Variants in ZNF621 observed in about 807,000 individuals in gnomAD.
ZNF621 encodes the protein zinc finger protein 621.
Under a neutral mutation model 12.7 loss-of-function variants are expected in ZNF621, and 6 were observed. The ratio of observed to expected loss-of-function variants is 0.47; its 90% CI spans 0.26 to 0.93. The LOEUF (loss-of-function observed/expected upper bound fraction) is 0.93. ZNF621 is among the 40% of genes least tolerant of loss of function. The pLI, the probability that ZNF621 is intolerant of heterozygous loss-of-function variation, is 0.15. For synonymous variants in ZNF621, 156 were observed against 190.3 expected (o/e 0.82, Z 1.48); for missense variants, 474 against 524.0 (o/e 0.90, Z 0.93).
intron 4 of ZNF621, 116 bp downstream of exon 4, chr3:40,530,432 C>T (rs1698697686): frequency 1.2e-6 from 1 of 807,236 alleles, no homozygotes; most frequent in Non-Finnish European, 2.0e-6. Flanking sequence ...AGTCGATACT[C>T]ACTGTACTCT....
rs765050685 is a variant in ZNF621, at chr3:40,525,866, T to C, written c.24+2T>C. 6.8e-6 allele frequency: 11 copies of C among 1,613,122 alleles called. No homozygotes were observed. In the East Asian group the frequency reaches 2.2e-4, roughly 33 times the overall value. On this transcript the variant is annotated splice_donor_variant, in intron 2 of 4. Coordinates refer to ENST00000339296, the MANE Select transcript of ZNF621 (RefSeq NM_198484.5). LOFTEE classifies it high-confidence loss of function. The stretch of plus-strand genomic sequence containing the variant: ...ATGCTCCAAACAACTTGGCCTCAGG[T>C]GAGCTGAGCTTCTTTCAGTTTTTTT...
Position 40,532,228 on chromosome 3 carries a change from G to A in ZNF621, c.458G>A (p.Cys153Tyr). The change falls in exon 5 of 5, where the codon TGT becomes TAT. Residue 153 changes from cysteine to tyrosine, a missense_variant. Cys to Tyr is a radical substitution (Grantham distance 194). Coordinates refer to ENST00000339296, the MANE Select transcript of ZNF621 (RefSeq NM_198484.5). The stretch of plus-strand genomic sequence containing the variant: ...CGAGGTGGAATGAAGTTCTATGAAT[G>A]TAAAGAATGTGGGAAAATCTTCCGA... ...ILRGGMKFYE[C>Y]KECGKIFRYN... 1.2e-6 allele frequency: 2 copies of A among 1,614,178 alleles called. No individual in the cohort carries two copies. Among genetic ancestry groups the A allele is most frequent in the South Asian group, 2.2e-5 (2 of 91,092 alleles).
At chr3:40,524,693 G>T (rs1047600866), upstream of ZNF621, among the ~76,000 whole-genome samples, 1 of 152,190 alleles carries the variant, frequency 6.6e-6, no homozygotes, top group Admixed American at 6.5e-5. Context: ...GGGCCCACTT[G>T]TGCCTAGAGG....
chr3:40,535,323 C>T lies in ZNF621; in HGVS notation c.*2233C>T, dbSNP rs1158571952. ...ACTCAGTAACCCACTTCTGGTTCCTCATTCCGTGTCAGTGATCAGCAGTAG... is the reference window on the plus strand; with the variant it reads ...ACTCAGTAACCCACTTCTGGTTCCTTATTCCGTGTCAGTGATCAGCAGTAG... On this transcript the variant is annotated 3_prime_UTR_variant, in exon 5 of 5. Transcript: ENST00000339296. 6.6e-6 allele frequency: 1 copy of T among 152,270 alleles called. No homozygotes were observed. The highest frequency in any genetic ancestry group is 2.4e-5 in the African/African-American group (1 of 41,476). 9.4% of individuals were successfully genotyped at this position (152,270 alleles called of 1,614,324 possible).
chr3:40,528,197 T>C (rs1435243602), intron 2 of ZNF621, among the ~76,000 whole-genome samples: 1 of 152,240 alleles, frequency 6.6e-6, no homozygotes, highest in African/African-American at 2.4e-5. Context: ...TTTTGTATTC[T>C]CTTCATAGTT....
chr3:40,531,985 T>C (rs1284697658), intron 4 of ZNF621, 45 bp from the exon 5 acceptor site: 1 of 1,530,116 alleles, frequency 6.5e-7, no homozygotes, highest in East Asian at 2.3e-5. Flanking sequence ...ATCCTACTTT[T>C]CTTCCAGTTT....
rs1255468766 is a variant in ZNF621, at chr3:40,535,586, C to A, written c.*2496C>A. ...ACATTCTGTAGTAAAAATACCCCTA[C>A]AATCATTTTGGTAGGGTCTTCTGTC... On this transcript the variant is annotated 3_prime_UTR_variant, in exon 5 of 5. Transcript: ENST00000339296. The A allele has an allele frequency of 6.6e-6, 1 of 152,142 alleles. No homozygotes were observed. The highest frequency in any genetic ancestry group is 2.4e-5 in the African/African-American group (1 of 41,440). 9.4% of individuals were successfully genotyped at this position (152,142 alleles called of 1,614,324 possible).
rs1308311276 is a variant in ZNF621, at chr3:40,533,026, A to G, written c.1256A>G (p.Gln419Arg). ...TCTGCCCAAATAGTGCGTGTCTTCCAGGGTCTTACTCCCACTGTGAAACCT... is the reference window on the plus strand; with the variant it reads ...TCTGCCCAAATAGTGCGTGTCTTCCGGGGTCTTACTCCCACTGTGAAACCT... ...SSSAQIVRVFQGLTPTVKPSP... is the reference protein window; with the variant it reads ...SSSAQIVRVFRGLTPTVKPSP... The change falls in exon 5 of 5, where the codon CAG (glutamine) becomes CGG (arginine). Residue 419 changes from glutamine (Q) to arginine (R), a missense_variant. Coordinates refer to ENST00000339296, the MANE Select transcript of ZNF621 (RefSeq NM_198484.5). The G allele has an allele frequency of 1.9e-6, 3 of 1,551,752 alleles. No individual in the cohort carries two copies. The highest frequency in any genetic ancestry group is 2.6e-6 in the Non-Finnish European group (3 of 1,147,002).
Position 40,538,220 on chromosome 3 carries a change from A to G in ZNF621, c.*5130A>G. 1 of 418,702 alleles carries G rather than the reference A, an allele frequency of 2.4e-6. No homozygotes were observed. 25.9% of individuals were successfully genotyped at this position (418,702 alleles called of 1,614,324 possible). A position where few individuals can be genotyped will look rare whatever the true frequency, so the allele number is the denominator to read the frequency against. On this transcript the variant is annotated 3_prime_UTR_variant, in exon 5 of 5. Transcript: ENST00000339296. Reference sequence around the variant, plus strand: ...TGTTGAGACCTACTAAATATTAGGAAAAAAGAATTCTGTCAGGTGTGGTGG... The same window carrying G: ...TGTTGAGACCTACTAAATATTAGGAGAAAAGAATTCTGTCAGGTGTGGTGG...
At position 40,539,730 on chromosome 3, in the gene ZNF621, T is replaced by A. The variant is rs1698956462; in HGVS notation, c.*6640T>A. 6.6e-6 allele frequency: 1 copy of A among 152,232 alleles called. No individual in the cohort carries two copies. Among genetic ancestry groups the A allele is most frequent in the African/African-American group, 2.4e-5 (1 of 41,448 alleles). 9.4% of individuals were successfully genotyped at this position (152,232 alleles called of 1,614,324 possible). A position where few individuals can be genotyped will look rare whatever the true frequency, so the allele number is the denominator to read the frequency against. On this transcript the variant is annotated 3_prime_UTR_variant, in exon 5 of 5. Transcript: ENST00000339296. ...AACTTGTCTTAATCTAAAAATCATATCATTTAAAAAGCCTGATGATTTAAT... is the reference window on the plus strand; with the variant it reads ...AACTTGTCTTAATCTAAAAATCATAACATTTAAAAAGCCTGATGATTTAAT...
rs1446581172 is a variant in ZNF621 at position 40,534,169 on chromosome 3, A to G, written c.*1079A>G. ...ATATTTTATTTCATATTTATGAATTATAAATATGAATTTAATTACTAAAGA... is the reference window on the plus strand; with the variant it reads ...ATATTTTATTTCATATTTATGAATTGTAAATATGAATTTAATTACTAAAGA... On this transcript the variant is annotated 3_prime_UTR_variant, in exon 5 of 5. Transcript: ENST00000339296. 1 of 152,184 alleles carries G rather than the reference A, an allele frequency of 6.6e-6. No homozygotes were observed. Among genetic ancestry groups the G allele is most frequent in the Non-Finnish European group, 1.5e-5 (1 of 67,988 alleles). 9.4% of individuals were successfully genotyped at this position (152,184 alleles called of 1,614,324 possible). A position where few individuals can be genotyped will look rare whatever the true frequency, so the allele number is the denominator to read the frequency against.
chr3:40,526,383 G>T (rs1034219707), intron 2 of ZNF621, among the ~76,000 whole-genome samples: 1 of 152,124 alleles, frequency 6.6e-6, no homozygotes, highest in South Asian at 2.1e-4. Flanking sequence ...CGTTGGCCAG[G>T]CTGGTCTTGA....
In ZNF621 at chr3:40,529,338, A is replaced by T. The variant is rs558185641; in HGVS notation, c.44A>T (p.Asp15Val). 1 of 1,613,620 alleles carries T rather than the reference A, an allele frequency of 6.2e-7. No homozygotes were observed. The highest frequency in any genetic ancestry group is 1.3e-5 in the African/African-American group (1 of 75,020). The change falls in exon 3 of 5, where the codon GAT (aspartate) becomes GTT (valine). Residue 15 changes from aspartate to valine, a missense_variant. Physicochemically the swap from Asp to Val is radical, Grantham distance 152. Coordinates refer to ENST00000339296, the MANE Select transcript of ZNF621 (RefSeq NM_198484.5). ...TWPQESVTFE[D>V]VAVYFTQNQW... ...TTTCAGGAGTCAGTGACCTTTGAGG[A>T]TGTGGCTGTTTACTTCACCCAGAAT...
intron 2 of ZNF621, among the ~76,000 whole-genome samples, chr3:40,528,540 G>A (rs1053313297): frequency 4.6e-5 from 7 of 152,160 alleles, no homozygotes; most frequent in African/African-American, 1.4e-4. Flanking sequence ...GGGTTGTATG[G>A]TAAGAGTGTG....
intron 3 of ZNF621, 151 bp downstream of exon 3, chr3:40,529,596 CTTTG>C: frequency 6.5e-7 from 1 of 1,539,962 alleles, no homozygotes; most frequent in Non-Finnish European, 8.8e-7. Context: ...CCTTGGTTCT[CTTTG>C]TTTTTTGTTT....
chr3:40,527,137 C>G (rs1420298352), intron 2 of ZNF621, among the ~76,000 whole-genome samples: 2 of 152,154 alleles, frequency 1.3e-5, no homozygotes, highest in African/African-American at 4.8e-5. Context: ...CCTGCCTCAG[C>G]CTCCCGAGTA....
chr3:40,525,121 G>C lies in ZNF621; in HGVS notation c.-216G>C, dbSNP rs1351831856. 1 of 152,172 alleles carries C rather than the reference G, an allele frequency of 6.6e-6. No individual in the cohort carries two copies. The highest frequency in any genetic ancestry group is 2.4e-5 in the African/African-American group (1 of 41,382). 9.4% of individuals were successfully genotyped at this position (152,172 alleles called of 1,614,324 possible). A position where few individuals can be genotyped will look rare whatever the true frequency, so the allele number is the denominator to read the frequency against. On this transcript the variant is annotated 5_prime_UTR_variant, in exon 1 of 5. Coordinates refer to ENST00000339296, the MANE Select transcript of ZNF621 (RefSeq NM_198484.5). The stretch of plus-strand genomic sequence containing the variant: ...CTGAACTTGGTCCCAATGGCGGCCC[G>C]CCCCTCCTTCACCCGGACCGTGGGC...
chr3:40,532,798 T>C lies in ZNF621; in HGVS notation c.1028T>C (p.Val343Ala). 1 of 1,614,236 alleles carries C rather than the reference T, an allele frequency of 6.2e-7. No homozygotes were observed. Among genetic ancestry groups the C allele is most frequent in the South Asian group, 1.1e-5 (1 of 91,086 alleles). Residue 343 changes from valine to alanine, a missense_variant, in exon 5 of 5, where the codon GTG becomes GCG. Val to Ala is a moderately conservative substitution (Grantham distance 64, BLOSUM62 0). Coordinates refer to ENST00000339296, the MANE Select transcript of ZNF621 (RefSeq NM_198484.5). ...GTTCAGCATCAGAAATTGCACCCTG[T>C]GGAGAAGAAGCCAGTCAAGGTCCTT... Reference protein sequence around the residue: ...SFVQHQKLHPVEKKPVKVLGP... With the variant: ...SFVQHQKLHPAEKKPVKVLGP...
rs1177879909 is a variant in ZNF621 at position 40,535,635 on chromosome 3, G to C, written c.*2545G>C. ...TCTTCAGCCAGGGTGTACCTGCTCG[G>C]TGGGAGTTGGTTATATATGTATGTC... On this transcript the variant is annotated 3_prime_UTR_variant, in exon 5 of 5. Coordinates refer to ENST00000339296, the MANE Select transcript of ZNF621 (RefSeq NM_198484.5). 6.6e-6 allele frequency: 1 copy of C among 152,122 alleles called. No homozygotes were observed. Among genetic ancestry groups the C allele is most frequent in the East Asian group, 1.9e-4 (1 of 5,182 alleles). The allele number at this position is 152,122 out of a possible 1,614,324, so 9.4% of individuals were successfully genotyped here.
Sources: gnomAD v4.1 joint callset for allele counts (sites outside exome capture counted in the v4.1 genomes callset) on GRCh38, gnomAD v4.1.1 for gene constraint, MANE v1.5 for transcripts, NCBI Gene and HGNC (gene_info 2026-07-23, HGNC 2026-07-21) for gene names.